The following VWC2 variants were observed in gnomAD, a reference collection of about 807,000 sequenced individuals.
The protein encoded by VWC2 is von Willebrand factor C domain containing 2, also known as brorin.
VWC2 carries 14 observed loss-of-function variants against 29.8 expected under a neutral mutation model. That is an observed-to-expected ratio of 0.47 (90% CI 0.31 to 0.74). The LOEUF (loss-of-function observed/expected upper bound fraction) is 0.74. Ranked by LOEUF, VWC2 falls within the 30% of genes least tolerant of loss-of-function variation. VWC2 has a pLI of 0.05. For synonymous variants in VWC2, 213 were observed against 199.0 expected (o/e 1.07, Z -0.59); for missense variants, 457 against 459.8 (o/e 0.99, Z 0.05).
chr7:49,825,532 C>A (rs1208306826), intron 3 of VWC2, among the ~76,000 whole-genome samples: 1 of 152,200 alleles, frequency 6.6e-6, no homozygotes, highest in Non-Finnish European at 1.5e-5. Flanking sequence ...ACAGCTGCTT[C>A]TAAATTGGCC....
At chr7:49,879,153 C>G (rs1392446636) in intron 3 of VWC2, among the ~76,000 whole-genome samples, 1 of 152,102 alleles carries the variant, frequency 6.6e-6, no homozygotes, top group Non-Finnish European at 1.5e-5. Context: ...GACTATATTT[C>G]TGGTTTTAGA....
intron 3 of VWC2, among the ~76,000 whole-genome samples, chr7:49,818,422 A>G (rs538099839): frequency 5.2e-4 from 79 of 152,194 alleles, no homozygotes; most frequent in Non-Finnish European, 1.1e-3. Context: ...GTTTTTCCCC[A>G]TCTTATGCCA....
chr7:49,848,415 C>T (rs1790044408), intron 3 of VWC2, among the ~76,000 whole-genome samples: 2 of 152,212 alleles, frequency 1.3e-5, no homozygotes, highest in Non-Finnish European at 2.9e-5. Context: ...GGCATGGCCC[C>T]GGACCAGCTG....
At chr7:49,775,208 T>C (rs1583616006) in intron 1 of VWC2, 125 bp from the exon 2 acceptor site, 1 of 263,424 alleles carries the variant, frequency 3.8e-6, no homozygotes, top group East Asian at 7.5e-5. Context: ...ACGCTGGGCA[T>C]GCTGCCCCCG....
chr7:49,824,546 A>C (rs748316219), intron 3 of VWC2, among the ~76,000 whole-genome samples: 2 of 152,136 alleles, frequency 1.3e-5, no homozygotes, highest in African/African-American at 4.8e-5. Flanking sequence ...TAACCTTTGC[A>C]TTTTCAGCAT....
intron 3 of VWC2, among the ~76,000 whole-genome samples, chr7:49,910,568 TACAGGTATGAACCATA>T (rs1249450370): frequency 1.3e-5 from 2 of 151,400 alleles, no homozygotes; most frequent in Non-Finnish European, 2.9e-5. Flanking sequence ...GAATGAGATC[TACAGGTATGAACCATA>T]ACACAAAGCC....
chr7:49,806,991 G>A (rs901388320), intron 3 of VWC2, among the ~76,000 whole-genome samples: 1 of 152,104 alleles, frequency 6.6e-6, no homozygotes, highest in African/African-American at 2.4e-5. Flanking sequence ...AAAATCAGCT[G>A]TATTTCTGTA....
intron 3 of VWC2, among the ~76,000 whole-genome samples, chr7:49,900,857 C>A (rs759701157): frequency 6.6e-5 from 10 of 151,910 alleles, no homozygotes; most frequent in Admixed American, 1.3e-4. Context: ...ATGCAAAAAT[C>A]CTCAACAAAC....
intron 2 of VWC2, among the ~76,000 whole-genome samples, chr7:49,790,459 G>A (rs1788440446): frequency 1.3e-5 from 2 of 151,648 alleles, no homozygotes; most frequent in African/African-American, 4.8e-5. Context: ...AGACAGAACA[G>A]AAAAAAAAAT....
Position 49,789,884 on chromosome 7 carries a change from C to T in VWC2, c.697-12827C>T, listed in dbSNP as rs112552490. ...GCTTCCCAGGTGGGAAGTGAGAAGC[C>T]GCTCCCTGCACTGGCCCTGGTGCTC... On this transcript the variant is annotated intron_variant, in intron 2 of 3. Coordinates refer to ENST00000340652, the MANE Select transcript of VWC2 (RefSeq NM_198570.5). Among the ~76,000 whole-genome samples, 217 of 152,346 alleles carry T rather than the reference C, an allele frequency of 1.4e-3. 1 individual carries two copies. Among genetic ancestry groups the T allele is most frequent in the African/African-American group, 4.8e-3 (198 of 41,596 alleles).
rs551038377 is a variant in VWC2 at position 49,873,662 on chromosome 7, A to G, written c.827-38372A>G. On this transcript the variant is annotated intron_variant, in intron 3 of 3. Transcript: ENST00000340652. ...TGTGCATAGCCAGGCATTATGCAGT[A>G]ATCATGAATTTTTGCTTGTGGGTTG... is the stretch of plus-strand genomic sequence containing the variant. 1.8e-4 allele frequency among the ~76,000 whole-genome samples: 28 copies of G among 152,202 alleles called. 1 individual carries two copies. The highest frequency in any genetic ancestry group is 1.3e-4 in the Non-Finnish European group (9 of 68,034).
At chr7:49,790,424 A>G (rs902028539) in intron 2 of VWC2, among the ~76,000 whole-genome samples, 2 of 152,068 alleles carry the variant, frequency 1.3e-5, no homozygotes, top group African/African-American at 4.8e-5. Flanking sequence ...TTGTGTGCAA[A>G]TCTGTTCTCT....
intron 3 of VWC2, among the ~76,000 whole-genome samples, chr7:49,820,839 C>T (rs552227884): frequency 2.0e-5 from 3 of 152,212 alleles, no homozygotes; most frequent in East Asian, 1.9e-4. Flanking sequence ...ATAGGTGCAG[C>T]CCAGGTGCAG....
At chr7:49,878,775 G>A (rs992193215) in intron 3 of VWC2, among the ~76,000 whole-genome samples, 1 of 152,158 alleles carries the variant, frequency 6.6e-6, no homozygotes, top group Non-Finnish European at 1.5e-5. Context: ...ACATGGGTTA[G>A]ACCAGGTGTG....
intron 2 of VWC2, among the ~76,000 whole-genome samples, chr7:49,789,019 AGT>A (rs781095595): frequency 5.5e-4 from 69 of 124,534 alleles, no homozygotes; most frequent in African/African-American, 1.9e-3. Context: ...AAAGTGTGTC[AGT>A]GTGAGCGTGT....
chr7:49,875,384 A>AAAAAAAAAAC (rs1791364876), intron 3 of VWC2, among the ~76,000 whole-genome samples: 1 of 149,620 alleles, frequency 6.7e-6, no homozygotes, highest in African/African-American at 2.4e-5. Flanking sequence ...AAAAAAAAAA[A>AAAAAAAAAAC]AAAAAAAAAA....
intron 3 of VWC2, among the ~76,000 whole-genome samples, chr7:49,899,906 T>C (rs1583788407): frequency 6.6e-6 from 1 of 151,914 alleles, no homozygotes; most frequent in African/African-American, 2.4e-5. Flanking sequence ...CTTACTAAGA[T>C]AGACCACATT....
rs1017422619 is a variant in VWC2, at chr7:49,919,472, T to C, written c.*7287T>C. On this transcript the variant is annotated 3_prime_UTR_variant, in exon 4 of 4. Coordinates refer to ENST00000340652, the MANE Select transcript of VWC2 (RefSeq NM_198570.5). ...TAGTGATAAAATTATGAAGTTACCA[T>C]TGTATGTTCCAATGACATAAAAAAC... 4 of 152,222 alleles carry C rather than the reference T, an allele frequency of 2.6e-5. No homozygotes were observed. The highest frequency in any genetic ancestry group is 5.9e-5 in the Non-Finnish European group (4 of 68,038). The allele number at this position is 152,222 out of a possible 1,614,324, so 9.4% of individuals were successfully genotyped here. A position where few individuals can be genotyped will look rare whatever the true frequency, so the allele number is the denominator to read the frequency against.
intron 2 of VWC2, among the ~76,000 whole-genome samples, chr7:49,802,505 G>A (rs1196357203): frequency 1.3e-5 from 2 of 152,198 alleles, no homozygotes; most frequent in South Asian, 2.1e-4. Flanking sequence ...AGGCATAGTG[G>A]TGGGTGCCTG....
Sources: gnomAD v4.1 joint callset for allele counts (sites outside exome capture counted in the v4.1 genomes callset) on GRCh38, gnomAD v4.1.1 for gene constraint, MANE v1.5 for transcripts, NCBI Gene and HGNC (gene_info 2026-07-23, HGNC 2026-07-21) for gene names.